SYT1: variants seen among roughly 807,000 people sequenced by gnomAD.
SYT1 encodes synaptotagmin-1.
SYT1 carries 8 observed loss-of-function variants against 44.8 expected under a neutral mutation model. The ratio of observed to expected loss-of-function variants is 0.18; its 90% CI spans 0.10 to 0.32. The LOEUF (loss-of-function observed/expected upper bound fraction) is 0.32. Among genes scored for constraint, SYT1 ranks in the 10% least tolerant of loss-of-function variants. The probability of loss-of-function intolerance (pLI) is 1.00; values close to 1 mark genes in which losing one functional copy is unlikely to be tolerated. For missense variants in SYT1, 286 were observed against 509.3 expected (o/e 0.56, Z 4.22); for synonymous variants, 154 against 188.8 (o/e 0.82, Z 1.51).
At chr12:79,305,055 T>C (rs1298446230) in intron 8 of SYT1, among the ~76,000 whole-genome samples, 3 of 152,154 alleles carry the variant, frequency 2.0e-5, no homozygotes, top group African/African-American at 7.2e-5. Context: ...TGTTATCCAC[T>C]TCGTGATGTG....
chr12:79,043,222 G>A (rs751965376), intron 2 of SYT1, among the ~76,000 whole-genome samples: 2,796 of 149,066 alleles, frequency 0.019, 50 homozygotes, highest in Middle Eastern at 0.073. Context: ...TGTTGACAGT[G>A]GGGTGTTAAA....
intron 3 of SYT1, among the ~76,000 whole-genome samples, chr12:79,179,488 T>G (rs867099245): frequency 2.6e-4 from 33 of 125,778 alleles, no homozygotes; most frequent in East Asian, 1.5e-3. Flanking sequence ...GAGATATAGA[T>G]ATATCTATAT....
chr12:79,230,508 GA>G (rs532119934), intron 4 of SYT1, among the ~76,000 whole-genome samples: 47 of 151,906 alleles, frequency 3.1e-4, no homozygotes, highest in Middle Eastern at 3.4e-3. Context: ...CTTTGAGACA[GA>G]AAAAAAGGAA....
rs555699451 is a variant in SYT1, at chr12:78,894,474, T to C, written c.-217+29365T>C. On this transcript the variant is annotated intron_variant, in intron 1 of 10. Coordinates refer to ENST00000261205, the MANE Select transcript of SYT1 (RefSeq NM_005639.3). ...GCTGTGTAACATACACAAAAAAAAG[T>C]CACTTATTCTTTTACTCTGATTGAG... Among the ~76,000 whole-genome samples, 2 of 150,028 alleles carry C rather than the reference T, an allele frequency of 1.3e-5. 1 individual carries two copies. The highest frequency in any genetic ancestry group is 4.2e-4 in the South Asian group (2 of 4,760).
At chr12:79,302,633 A>G (rs959686201) in intron 8 of SYT1, among the ~76,000 whole-genome samples, 4 of 152,120 alleles carry the variant, frequency 2.6e-5, no homozygotes, top group African/African-American at 9.7e-5. Flanking sequence ...CATTGTTCCC[A>G]CTATTCGATT....
At position 79,257,642 on chromosome 12, in the gene SYT1, A is replaced by C. The variant is rs561964844; in HGVS notation, c.167-28145A>C. On this transcript the variant is annotated intron_variant, in intron 4 of 10. Coordinates refer to ENST00000261205, the MANE Select transcript of SYT1 (RefSeq NM_005639.3). ...AGCTGGGACTACAGGCACCCGCCACAACCCCCGGCTGATTTTTTGTATTTT... is the reference window on the plus strand; with the variant it reads ...AGCTGGGACTACAGGCACCCGCCACCACCCCCGGCTGATTTTTTGTATTTT... 4.5e-3 allele frequency among the ~76,000 whole-genome samples: 678 copies of C among 152,166 alleles called. 2 individuals carry two copies. The highest frequency in any genetic ancestry group is 0.015 in the African/African-American group (611 of 41,536).
At chr12:79,391,143 G>A (rs947508201) in intron 9 of SYT1, among the ~76,000 whole-genome samples, 1 of 152,200 alleles carries the variant, frequency 6.6e-6, no homozygotes, top group African/African-American at 2.4e-5. Flanking sequence ...TCTTGACCCA[G>A]TGGTTAAAGC....
chr12:79,165,303 G>A (rs1192564065), intron 3 of SYT1, among the ~76,000 whole-genome samples: 1 of 151,892 alleles, frequency 6.6e-6, no homozygotes, highest in Non-Finnish European at 1.5e-5. Flanking sequence ...AGCTTATGTG[G>A]TATTTAAATA....
chr12:79,428,870 T>C (rs1217927442), intron 9 of SYT1, among the ~76,000 whole-genome samples: 1 of 152,186 alleles, frequency 6.6e-6, no homozygotes, highest in African/African-American at 2.4e-5. Flanking sequence ...ACAAGAAGCA[T>C]AGTGCCAGCA....
intron 8 of SYT1, among the ~76,000 whole-genome samples, chr12:79,313,775 G>T (rs1218400961): frequency 1.3e-5 from 2 of 152,018 alleles, no homozygotes; most frequent in African/African-American, 4.8e-5. Flanking sequence ...CATAAAATGG[G>T]ATTAGTATTT....
chr12:79,413,712 T>C (rs1327617104), intron 9 of SYT1, among the ~76,000 whole-genome samples: 1 of 152,158 alleles, frequency 6.6e-6, no homozygotes, highest in East Asian at 1.9e-4. Flanking sequence ...CCTTTCCTCA[T>C]GGTCAAAAGC....
intron 1 of SYT1, among the ~76,000 whole-genome samples, chr12:78,911,096 T>A (rs905385456): frequency 6.6e-6 from 1 of 152,024 alleles, no homozygotes; most frequent in Non-Finnish European, 1.5e-5. Flanking sequence ...TAAATTATCA[T>A]CCAAGCTTCA....
chr12:78,882,411 A>G (rs921938562), intron 1 of SYT1, among the ~76,000 whole-genome samples: 4 of 151,808 alleles, frequency 2.6e-5, no homozygotes, highest in African/African-American at 9.7e-5. Flanking sequence ...GAGTGTATCT[A>G]CTATCATTAG....
At chr12:78,876,866 A>AATATATTATATATATTATATATAAT (rs1565697821) in intron 1 of SYT1, among the ~76,000 whole-genome samples, 1 of 12,898 alleles carries the variant, frequency 7.8e-5, no homozygotes, top group Non-Finnish European at 1.7e-4. Flanking sequence ...TAATATATAT[A>AATATATTATATATATTATATATAAT]ATATATTATA....
chr12:79,258,614 A>G (rs1877661453), intron 4 of SYT1, among the ~76,000 whole-genome samples: 1 of 152,240 alleles, frequency 6.6e-6, no homozygotes, highest in South Asian at 2.1e-4. Flanking sequence ...GGGTTTTCTT[A>G]GGAATAAAAA....
chr12:78,868,477 C>T (rs1873657532), intron 1 of SYT1, among the ~76,000 whole-genome samples: 1 of 151,554 alleles, frequency 6.6e-6, no homozygotes, highest in Non-Finnish European at 1.5e-5. Context: ...CTGATTTTAG[C>T]TGAAATTTTT....
intron 2 of SYT1, chr12:79,045,952 T>A (rs1874019037): frequency 6.6e-6 from 1 of 152,184 alleles, no homozygotes; most frequent in Admixed American, 6.5e-5. Context: ...ACTGTTTACC[T>A]TAATGTGTAT....
intron 3 of SYT1, among the ~76,000 whole-genome samples, chr12:79,098,934 C>T (rs1224608629): frequency 6.6e-6 from 1 of 152,110 alleles, no homozygotes; most frequent in Non-Finnish European, 1.5e-5. Context: ...TGAGTATCGA[C>T]TTTTTATCCT....
intron 8 of SYT1, among the ~76,000 whole-genome samples, chr12:79,349,702 G>A (rs1238205945): frequency 6.6e-6 from 1 of 152,070 alleles, no homozygotes; most frequent in African/African-American, 2.4e-5. Flanking sequence ...AACCCTTTTA[G>A]TCCCCATCAC....
Sources: allele counts gnomAD v4.1 joint callset (sites outside exome capture counted in the v4.1 genomes callset), GRCh38; gene constraint gnomAD v4.1.1; transcripts MANE v1.5; gene names NCBI Gene and HGNC (gene_info 2026-07-23, HGNC 2026-07-21).